Variants in ATP8B4 observed in about 807,000 individuals in gnomAD.
The protein encoded by ATP8B4 is ATPase phospholipid transporting 8B4 (putative).
Under a neutral mutation model 145.6 loss-of-function variants are expected in ATP8B4, and 133 were observed. The ratio of observed to expected loss-of-function variants is 0.91; its 90% CI spans 0.79 to 1.05. The LOEUF (loss-of-function observed/expected upper bound fraction) is 1.05. Among genes scored for constraint, ATP8B4 ranks in the 50% least tolerant of loss-of-function variants. ATP8B4 has a pLI of 0.00. For synonymous variants in ATP8B4, 507 were observed against 492.9 expected (o/e 1.03, Z -0.38); for missense variants, 1,458 against 1,425.2 (o/e 1.02, Z -0.37).
intron 13 of ATP8B4, among the ~76,000 whole-genome samples, chr15:49,967,348 C>T (rs1199875598): frequency 6.6e-6 from 1 of 152,068 alleles, no homozygotes; most frequent in African/African-American, 2.4e-5. Context: ...TGTTCTAACC[C>T]AATGCAAGGA....
intron 1 of ATP8B4, among the ~76,000 whole-genome samples, chr15:50,111,538 T>G (rs1438978258): frequency 6.6e-6 from 1 of 152,172 alleles, no homozygotes; most frequent in African/African-American, 2.4e-5. Context: ...CATAGTAAAC[T>G]CACCAAAAGC....
intron 4 of ATP8B4, among the ~76,000 whole-genome samples, chr15:50,047,109 A>G (rs568021806): frequency 6.6e-6 from 1 of 152,190 alleles, no homozygotes; most frequent in Non-Finnish European, 1.5e-5. Context: ...GTTTGGTTCA[A>G]ATAAAGTGCA....
intron 1 of ATP8B4, among the ~76,000 whole-genome samples, chr15:50,167,196 T>C (rs1277896872): frequency 2.0e-5 from 3 of 152,212 alleles, no homozygotes; most frequent in Non-Finnish European, 4.4e-5. Context: ...CACAATGTGG[T>C]TTAGCATATT....
intron 2 of ATP8B4, among the ~76,000 whole-genome samples, chr15:50,080,990 C>G (rs1382575253): frequency 3.3e-5 from 5 of 151,914 alleles, no homozygotes; most frequent in Non-Finnish European, 7.4e-5. Context: ...GCGGGCACCT[C>G]TAGTCCCAGC....
intron 27 of ATP8B4, among the ~76,000 whole-genome samples, chr15:49,861,927 C>G (rs895907771): frequency 7.2e-5 from 11 of 152,170 alleles, no homozygotes; most frequent in African/African-American, 2.4e-4. Context: ...CTATAGCTTG[C>G]CTTTCCCTTG....
chr15:50,144,104 A>AG (rs534084571), intron 1 of ATP8B4, among the ~76,000 whole-genome samples: 83 of 152,214 alleles, frequency 5.5e-4, no homozygotes, highest in Non-Finnish European at 1.0e-3. Context: ...ATACTAGGTC[A>AG]GGGTTGTGCC....
chr15:50,144,230 T>C lies in ATP8B4; in HGVS notation c.-42-37222A>G, dbSNP rs79583322. Among the ~76,000 whole-genome samples, 1,460 of 152,230 alleles carry C rather than the reference T, an allele frequency of 9.6e-3. 25 individuals carry two copies. The highest frequency in any genetic ancestry group is 0.034 in the African/African-American group (1,409 of 41,512). On this transcript the variant is annotated intron_variant, in intron 1 of 3. Transcript: ENST00000558829. ...TTCCCAGTATGAAAAGCCTAAAGTA[T>C]GATGATGGTGGTAGAAATGCAAAGG... is the stretch of plus-strand genomic sequence containing the variant.
intron 23 of ATP8B4, 130 bp downstream of exon 23, chr15:49,897,162 T>C (rs1382904592): frequency 1.2e-6 from 1 of 811,680 alleles, no homozygotes; most frequent in African/African-American, 1.7e-5. Flanking sequence ...ATAATTGTAA[T>C]ACTATTACTT....
At chr15:50,081,249 G>A (rs1158093597) in intron 2 of ATP8B4, among the ~76,000 whole-genome samples, 2 of 152,036 alleles carry the variant, frequency 1.3e-5, no homozygotes, top group Non-Finnish European at 2.9e-5. Context: ...TGGTTTCTCA[G>A]TAAAATAATG....
At chr15:50,157,674 T>C (rs1005654137) in intron 1 of ATP8B4, among the ~76,000 whole-genome samples, 2 of 152,200 alleles carry the variant, frequency 1.3e-5, no homozygotes, top group African/African-American at 4.8e-5. Flanking sequence ...TTGATAGAGA[T>C]TGCACTGAAT....
At chr15:49,909,587 T>G (rs1327675702) in intron 20 of ATP8B4, among the ~76,000 whole-genome samples, 1 of 151,896 alleles carries the variant, frequency 6.6e-6, no homozygotes, top group Non-Finnish European at 1.5e-5. Context: ...AGGCTCAGCC[T>G]ACCACTGCTC....
At chr15:49,955,989 T>C (rs2043525455) in intron 14 of ATP8B4, among the ~76,000 whole-genome samples, 1 of 151,834 alleles carries the variant, frequency 6.6e-6, no homozygotes, top group Non-Finnish European at 1.5e-5. Context: ...ACTAAAAAAG[T>C]TGTTAAGAGT....
intron 1 of ATP8B4, among the ~76,000 whole-genome samples, chr15:50,158,967 C>T (rs923376405): frequency 4.6e-5 from 7 of 152,204 alleles, no homozygotes; most frequent in Non-Finnish European, 8.8e-5. Flanking sequence ...ACAAACACTG[C>T]GGAAGGCCGC....
intron 1 of ATP8B4, among the ~76,000 whole-genome samples, chr15:50,128,786 G>A (rs1208185305): frequency 1.3e-5 from 2 of 152,180 alleles, no homozygotes; most frequent in African/African-American, 4.8e-5. Context: ...TAGGCTGGGC[G>A]CAGTGGCTCA....
chr15:49,927,276 G>C (rs554053000), intron 16 of ATP8B4, among the ~76,000 whole-genome samples: 1 of 151,996 alleles, frequency 6.6e-6, no homozygotes, highest in Non-Finnish European at 1.5e-5. Flanking sequence ...ATACATTGAT[G>C]ATTTAGTGAA....
rs577296267 is a variant in ATP8B4, at chr15:50,035,042, A to T, written c.362+3726T>A. 5.3e-5 allele frequency among the ~76,000 whole-genome samples: 8 copies of T among 152,372 alleles called. No individual in the cohort carries two copies. In the South Asian group the frequency reaches 1.7e-3, roughly 32 times the overall value. On this transcript the variant is annotated intron_variant, in intron 6 of 27. Transcript: ENST00000284509. ...TACTTTTAAAACAAAAGTCATCAAA[A>T]GATTTTACCAAAAGCTAATACAACA...
At chr15:50,149,657 C>T (rs2044322423) in intron 1 of ATP8B4, among the ~76,000 whole-genome samples, 2 of 152,084 alleles carry the variant, frequency 1.3e-5, no homozygotes, top group Admixed American at 6.5e-5. Context: ...AGGCATTTAT[C>T]AACCTAAATA....
intron 1 of ATP8B4, among the ~76,000 whole-genome samples, chr15:50,173,244 C>A (rs935402928): frequency 2.0e-5 from 3 of 152,126 alleles, no homozygotes; most frequent in African/African-American, 7.2e-5. Context: ...GCGGTTTTGT[C>A]GAACAGAAAA....
chr15:50,163,561 G>A (rs1428837652), intron 1 of ATP8B4, among the ~76,000 whole-genome samples: 1 of 152,218 alleles, frequency 6.6e-6, no homozygotes, highest in African/African-American at 2.4e-5. Context: ...CCACCACAGA[G>A]ACTGAACTGG....
Sources: allele counts gnomAD v4.1 joint callset (sites outside exome capture counted in the v4.1 genomes callset), GRCh38; gene constraint gnomAD v4.1.1; transcripts MANE v1.5; gene names NCBI Gene and HGNC (gene_info 2026-07-23, HGNC 2026-07-21).